The following BAZ2B variants were observed in gnomAD, a reference collection of about 807,000 sequenced individuals.
The protein encoded by BAZ2B is bromodomain adjacent to zinc finger domain protein 2B.
BAZ2B carries 91 observed loss-of-function variants against 246.0 expected under a neutral mutation model. That is an observed-to-expected ratio of 0.37 (90% CI 0.31 to 0.44). The LOEUF (loss-of-function observed/expected upper bound fraction) is 0.44. Ranked by LOEUF, BAZ2B falls within the 20% of genes least tolerant of loss-of-function variation. The pLI is 1.00. For missense variants in BAZ2B, 2,332 were observed against 2,533.7 expected (o/e 0.92, Z 1.71); for synonymous variants, 855 against 860.0 (o/e 0.99, Z 0.10).
chr2:159,708,762 A>G, the BAZ2B span, among the ~76,000 whole-genome samples: 1 of 151,780 alleles, frequency 6.6e-6, no homozygotes, highest in African/African-American at 2.4e-5. Context: ...TTTTTTGTAT[A>G]GATGGGGCCT....
intron 25 of BAZ2B, among the ~76,000 whole-genome samples, chr2:159,380,535 T>G (rs1336328359): frequency 1.3e-5 from 2 of 152,216 alleles, no homozygotes; most frequent in Non-Finnish European, 2.9e-5. Flanking sequence ...CAGGCCTGAT[T>G]GGTATCCTCT....
At chr2:159,692,410 G>A in the BAZ2B span, among the ~76,000 whole-genome samples, 2 of 152,022 alleles carry the variant, frequency 1.3e-5, no homozygotes, top group Non-Finnish European at 2.9e-5. Flanking sequence ...TGTCCACCTC[G>A]GCCTCCCAAA....
the BAZ2B span, among the ~76,000 whole-genome samples, chr2:159,642,282 G>A: frequency 7.2e-6 from 1 of 138,556 alleles, no homozygotes; most frequent in African/African-American, 2.7e-5. Context: ...CTGTCACCTA[G>A]GCTGGAGTGC....
chr2:159,662,964 T>C, the BAZ2B span, among the ~76,000 whole-genome samples: 6 of 152,286 alleles, frequency 3.9e-5, no homozygotes, highest in Non-Finnish European at 8.8e-5. Flanking sequence ...TTATATACCT[T>C]CTTTAGATAA....
At chr2:159,701,333 T>A in the BAZ2B span, among the ~76,000 whole-genome samples, 1 of 152,070 alleles carries the variant, frequency 6.6e-6, no homozygotes, top group East Asian at 1.9e-4. Flanking sequence ...TTTTTTATTT[T>A]TCTTCTCATT....
At chr2:159,538,594 G>A (rs2086288960) in intron 2 of BAZ2B, among the ~76,000 whole-genome samples, 1 of 152,004 alleles carries the variant, frequency 6.6e-6, no homozygotes, top group African/African-American at 2.4e-5. Flanking sequence ...TTAATATTAT[G>A]GCAAAAAAGC....
intron 1 of BAZ2B, among the ~76,000 whole-genome samples, chr2:159,589,573 T>C (rs1310331375): frequency 6.6e-6 from 1 of 152,226 alleles, no homozygotes; most frequent in Non-Finnish European, 1.5e-5. Context: ...CCTTAGTTTC[T>C]AATTCACTTT....
intron 2 of BAZ2B, among the ~76,000 whole-genome samples, chr2:159,554,796 G>T (rs549096177): frequency 9.2e-5 from 14 of 152,100 alleles, no homozygotes; most frequent in Non-Finnish European, 1.6e-4. Context: ...GTTCATGATT[G>T]TAATTCAGAT....
the BAZ2B span, among the ~76,000 whole-genome samples, chr2:159,696,480 C>T: frequency 6.6e-6 from 1 of 152,146 alleles, no homozygotes; most frequent in African/African-American, 2.4e-5. Flanking sequence ...TCCAAAACTG[C>T]CTTTTTGAGT....
Position 159,325,842 on chromosome 2 carries a change from T to G in BAZ2B, c.6020A>C (p.Lys2007Thr), listed in dbSNP as rs2063640253. 1 of 1,608,318 alleles carries G rather than the reference T, an allele frequency of 6.2e-7. No homozygotes were observed. The highest frequency in any genetic ancestry group is 8.5e-7 in the Non-Finnish European group (1 of 1,178,560). ...KKTNESKKGK[K>T]VTLTGDTEDE... The stretch of plus-strand genomic sequence containing the variant: ...TTCAGTATCTCCTGTTAAAGTTACC[T>G]TCTTGCCTTTCTTTGACTCATTAGT... Residue 2007 changes from lysine to threonine, a missense_variant, in exon 35 of 37, where the codon AAG (lysine) becomes ACG (threonine). Transcript: ENST00000392783.
chr2:159,439,346 C>T (rs375308920), intron 6 of BAZ2B, 134 bp from the exon 7 acceptor site: 74 of 778,116 alleles, frequency 9.5e-5, no homozygotes, highest in Non-Finnish European at 1.2e-4. Context: ...AGTCACATAT[C>T]GTAAGGATAA....
chr2:159,325,888 G>T lies in BAZ2B; in HGVS notation c.5974C>A (p.Leu1992Ile), dbSNP rs752713978. The change falls in exon 35 of 37, where the codon CTT (leucine) becomes ATT (isoleucine). Residue 1992 changes from leucine (L) to isoleucine (I), a missense_variant. By Grantham distance (5) the Leu-to-Ile change is conservative (BLOSUM62 2). Transcript: ENST00000392783. ...ASGQTLKIKK[L>I]HVKGKKTNES... Reference sequence around the variant, plus strand: ...TTAGTCTTTTTTCCTTTGACATGAAGTTTTTTGATTTTTAGAGTTTGACCA... The same window carrying T: ...TTAGTCTTTTTTCCTTTGACATGAATTTTTTTGATTTTTAGAGTTTGACCA... 1.9e-6 allele frequency: 3 copies of T among 1,587,262 alleles called. No individual in the cohort carries two copies. The highest frequency in any genetic ancestry group is 2.6e-6 in the Non-Finnish European group (3 of 1,173,254).
chr2:159,559,277 C>T (rs1413659568), intron 1 of BAZ2B, among the ~76,000 whole-genome samples: 1 of 151,590 alleles, frequency 6.6e-6, no homozygotes, highest in Non-Finnish European at 1.5e-5. Context: ...AGATAAAACA[C>T]ATTACTCTCT....
chr2:159,411,176 T>C (rs1450466364), intron 14 of BAZ2B, among the ~76,000 whole-genome samples: 2 of 152,120 alleles, frequency 1.3e-5, no homozygotes, highest in Non-Finnish European at 2.9e-5. Context: ...AGTGTGCCAC[T>C]ACACCTGGCT....
chr2:159,525,482 T>G (rs1316664593), intron 2 of BAZ2B, among the ~76,000 whole-genome samples: 1 of 152,220 alleles, frequency 6.6e-6, no homozygotes, highest in African/African-American at 2.4e-5. Flanking sequence ...TGTGACGTGT[T>G]GCACATTATT....
intron 3 of BAZ2B, among the ~76,000 whole-genome samples, chr2:159,466,269 A>G (rs2077032751): frequency 6.6e-6 from 1 of 152,160 alleles, no homozygotes; most frequent in Non-Finnish European, 1.5e-5. Context: ...TAGTCACTTG[A>G]TTATTACCAG....
At chr2:159,517,173 T>C (rs1224529730) in intron 2 of BAZ2B, among the ~76,000 whole-genome samples, 1 of 152,168 alleles carries the variant, frequency 6.6e-6, no homozygotes, top group African/African-American at 2.4e-5. Context: ...TCAGAAAGTT[T>C]ACATAATTTG....
intron 3 of BAZ2B, among the ~76,000 whole-genome samples, chr2:159,468,273 G>A (rs1439270790): frequency 2.0e-5 from 3 of 152,040 alleles, no homozygotes; most frequent in Non-Finnish European, 4.4e-5. Context: ...CCCAAAGCAG[G>A]CAGAGCAACT....
Position 159,432,978 on chromosome 2 carries a change from T to C in BAZ2B, c.1679A>G (p.His560Arg). ...AACTGCTTTTTCCTTCCCTTGACTATGCAGGATGGGAGAGGCAGAGGGCAT... is the reference window on the plus strand; with the variant it reads ...AACTGCTTTTTCCTTCCCTTGACTACGCAGGATGGGAGAGGCAGAGGGCAT... ...PVMPSASPIL[H>R]SQGKEKAVSN... Residue 560 changes from histidine (H) to arginine (R), a missense_variant, in exon 9 of 37, where the codon CAT becomes CGT. His to Arg is a conservative substitution (Grantham distance 29). Coordinates refer to ENST00000392783, the MANE Select transcript of BAZ2B (RefSeq NM_013450.4). The C allele has an allele frequency of 6.2e-7, 1 of 1,614,168 alleles. No individual in the cohort carries two copies. The highest frequency in any genetic ancestry group is 8.5e-7 in the Non-Finnish European group (1 of 1,180,026).
Sources: gnomAD v4.1 joint callset for allele counts (sites outside exome capture counted in the v4.1 genomes callset) on GRCh38, gnomAD v4.1.1 for gene constraint, MANE v1.5 for transcripts, NCBI Gene and HGNC (gene_info 2026-07-23, HGNC 2026-07-21) for gene names.